Variants in EBF2 observed in about 807,000 individuals in gnomAD.
EBF2 encodes the protein transcription factor COE2.
EBF2 carries 21 observed loss-of-function variants against 72.8 expected under a neutral mutation model. That is an observed-to-expected ratio of 0.29 (90% CI 0.20 to 0.42). The LOEUF is 0.42. Ranked by LOEUF, EBF2 falls within the 10% of genes least tolerant of loss-of-function variation. The probability of loss-of-function intolerance (pLI) is 1.00; values close to 1 mark genes in which losing one functional copy is unlikely to be tolerated. For synonymous variants in EBF2, 299 were observed against 274.2 expected (o/e 1.09, Z -0.89); for missense variants, 637 against 731.2 (o/e 0.87, Z 1.49).
intron 6 of EBF2, among the ~76,000 whole-genome samples, chr8:26,017,486 T>C (rs1805129785): frequency 6.6e-6 from 1 of 152,170 alleles, no homozygotes; most frequent in Non-Finnish European, 1.5e-5. Flanking sequence ...ACAGGAGGTC[T>C]CTGGGGTCCC....
intron 6 of EBF2, among the ~76,000 whole-genome samples, chr8:26,012,744 C>G (rs1031348630): frequency 3.7e-4 from 56 of 152,330 alleles, no homozygotes; most frequent in African/African-American, 1.3e-3. Flanking sequence ...GCAAGGCACA[C>G]AGACGAAGAA....
At chr8:26,043,200 A>G (rs376012828) in intron 1 of EBF2, among the ~76,000 whole-genome samples, 8 of 152,354 alleles carry the variant, frequency 5.3e-5, no homozygotes, top group African/African-American at 1.2e-4. Flanking sequence ...CCACCTGGCC[A>G]TCAGATCCCA....
chr8:25,847,176 T>G (rs1319105249), intron 15 of EBF2, among the ~76,000 whole-genome samples: 2 of 152,176 alleles, frequency 1.3e-5, no homozygotes, highest in Non-Finnish European at 2.9e-5. Context: ...TTGCCTATAG[T>G]GCTCAGGATA....
chr8:25,997,330 G>A (rs1191349332), intron 6 of EBF2, among the ~76,000 whole-genome samples: 2 of 152,148 alleles, frequency 1.3e-5, no homozygotes, highest in African/African-American at 4.8e-5. Flanking sequence ...TAGCACTTTG[G>A]GAGGCCAAGG....
intron 6 of EBF2, among the ~76,000 whole-genome samples, chr8:26,029,679 A>T (rs1332331418): frequency 6.6e-6 from 1 of 152,204 alleles, no homozygotes; most frequent in East Asian, 1.9e-4. Context: ...AGGTTAGGTG[A>T]GAAGGGGGAG....
Position 25,858,438 on chromosome 8 carries a change from G to A in EBF2, c.1409C>T (p.Ser470Phe). 1 of 1,614,108 alleles carries A rather than the reference G, an allele frequency of 6.2e-7. No individual in the cohort carries two copies. Among genetic ancestry groups the A allele is most frequent in the Non-Finnish European group, 8.5e-7 (1 of 1,180,016 alleles). ...GYSSSSTPQQ[S>F]NYSTSSNSMN... ...ACTGTTGCTGGAGGTACTGTAATTAGACTGTTGAGGCGTGGAGCTGGAAGA... is the reference window on the plus strand; with the variant it reads ...ACTGTTGCTGGAGGTACTGTAATTAAACTGTTGAGGCGTGGAGCTGGAAGA... Residue 470 changes from serine (S) to phenylalanine (F), a missense_variant, in exon 14 of 16, where the codon TCT (serine) becomes TTT (phenylalanine). Coordinates refer to ENST00000520164, the MANE Select transcript of EBF2 (RefSeq NM_022659.4).
intron 10 of EBF2, among the ~76,000 whole-genome samples, chr8:25,881,596 G>A (rs1802606090): frequency 6.6e-6 from 1 of 152,210 alleles, no homozygotes; most frequent in African/African-American, 2.4e-5. Context: ...GTGGGGAAGG[G>A]AAGTGCTGGG....
Position 25,894,478 on chromosome 8 carries a change from G to A in EBF2, c.634-4609C>T, listed in dbSNP as rs151243756. Among the ~76,000 whole-genome samples, 16 of 152,180 alleles carry A rather than the reference G, an allele frequency of 1.1e-4. 1 individual carries two copies. The East Asian group carries it at 1.2e-3, about 11-fold the overall frequency. On this transcript the variant is annotated intron_variant, in intron 7 of 15. Transcript: ENST00000520164. ...CCCTAGTGAGTATTTCCTGGGTCAC[G>A]AAGGCTGACCCTTCCCATCTGGAAT...
Position 26,044,996 on chromosome 8 carries a change from A to AG in EBF2, c.-138dup. The AG allele has an allele frequency of 3.3e-6, 3 of 901,498 alleles. No homozygotes were observed. The highest frequency in any genetic ancestry group is 1.7e-5 in the African/African-American group (1 of 59,118). 55.8% of individuals were successfully genotyped at this position (901,498 alleles called of 1,614,324 possible). ...GATCAAGTGCCCAAGTTTGAGTCTT[A>AG]GAAAAAAAAAAAAGATAACCCGTCC... On this transcript the variant is annotated 5_prime_UTR_variant, in exon 1 of 16. Coordinates refer to ENST00000520164, the MANE Select transcript of EBF2 (RefSeq NM_022659.4). This position sits in a 1 kb window ranked among gnomAD's most constrained non-coding sequence, Gnocchi z 4.1.
chr8:26,017,994 G>C (rs547292591), intron 6 of EBF2, among the ~76,000 whole-genome samples: 9 of 151,780 alleles, frequency 5.9e-5, no homozygotes, highest in Non-Finnish European at 1.3e-4. Context: ...GCCAGGTTCT[G>C]TTTGTTAACG....
intron 6 of EBF2, among the ~76,000 whole-genome samples, chr8:25,937,290 A>G (rs1803595586): frequency 6.6e-6 from 1 of 152,200 alleles, no homozygotes; most frequent in African/African-American, 2.4e-5. Flanking sequence ...CAGCACCAAC[A>G]TGTTACCCAA....
chr8:26,011,196 T>C (rs934109322), intron 6 of EBF2, among the ~76,000 whole-genome samples: 14 of 152,208 alleles, frequency 9.2e-5, no homozygotes, highest in Admixed American at 7.2e-4. Flanking sequence ...GGAAATTGCA[T>C]AGAGTTGGAA....
chr8:26,033,604 A>G (rs933641563), intron 5 of EBF2, among the ~76,000 whole-genome samples: 1 of 152,174 alleles, frequency 6.6e-6, no homozygotes, highest in Non-Finnish European at 1.5e-5. Flanking sequence ...GGGGTGGTGC[A>G]GGGAGGGAGA....
rs115069887 is a variant in EBF2, at chr8:25,935,004, T to C, written c.552-26449A>G. Among the ~76,000 whole-genome samples the C allele has an allele frequency of 4.2e-3, 646 of 152,274 alleles. 8 individuals are homozygous for C. The highest frequency in any genetic ancestry group is 0.015 in the African/African-American group (607 of 41,556). On this transcript the variant is annotated intron_variant, in intron 6 of 15. Transcript: ENST00000520164. ...AGCTTCAGCCACAGGACCAAGCGAC[T>C]TGCAAGCTGTTTCTCGCCAGGAGTG...
At chr8:25,972,842 G>A (rs1339365523) in intron 6 of EBF2, among the ~76,000 whole-genome samples, 1 of 148,684 alleles carries the variant, frequency 6.7e-6, no homozygotes, top group Non-Finnish European at 1.5e-5. Flanking sequence ...AAACTAGCAG[G>A]TACAATATGC....
At chr8:25,971,125 G>A (rs1804183209) in intron 6 of EBF2, among the ~76,000 whole-genome samples, 1 of 152,148 alleles carries the variant, frequency 6.6e-6, no homozygotes, top group Non-Finnish European at 1.5e-5. Flanking sequence ...ATGAGCCACT[G>A]CACCCAGCAA....
chr8:25,997,535 C>A (rs1804653558), intron 6 of EBF2, among the ~76,000 whole-genome samples: 1 of 149,678 alleles, frequency 6.7e-6, no homozygotes, highest in Non-Finnish European at 1.5e-5. Flanking sequence ...TGTACCACTG[C>A]ACTCTGGCTC....
intron 6 of EBF2, among the ~76,000 whole-genome samples, chr8:25,911,310 C>T (rs1048723372): frequency 4.6e-5 from 7 of 152,282 alleles, no homozygotes; most frequent in African/African-American, 1.7e-4. Context: ...ATGTTGACAA[C>T]GTGAATATCA....
intron 11 of EBF2, 132 bp from the exon 12 acceptor site, chr8:25,861,506 A>C: frequency 1.1e-6 from 1 of 922,600 alleles, no homozygotes; most frequent in South Asian, 1.6e-5. Context: ...GAGGTCCTAT[A>C]TTTGGTTTGA....
Sources: allele counts gnomAD v4.1 joint callset (sites outside exome capture counted in the v4.1 genomes callset), GRCh38; gene constraint gnomAD v4.1.1; non-coding constraint Gnocchi (gnomAD v3.1); transcripts MANE v1.5; gene names NCBI Gene and HGNC (gene_info 2026-07-23, HGNC 2026-07-21).